The following SPINK5 variants were observed in gnomAD, a reference collection of about 807,000 sequenced individuals.
SPINK5 encodes the protein serine protease inhibitor Kazal-type 5.
Under a neutral mutation model 151.8 loss-of-function variants are expected in SPINK5, and 125 were observed. That is an observed-to-expected ratio of 0.82 (90% CI 0.71 to 0.96). The LOEUF is 0.96. Among genes scored for constraint, SPINK5 ranks in the 40% least tolerant of loss-of-function variants. The pLI, the probability that SPINK5 is intolerant of heterozygous loss-of-function variation, is 0.00. For synonymous variants in SPINK5, 374 were observed against 395.3 expected (o/e 0.95, Z 0.64); for missense variants, 1,194 against 1,291.9 (o/e 0.92, Z 1.16).
intron 32 of SPINK5, chr5:148,134,192 A>T: frequency 2.4e-6 from 1 of 414,306 alleles, no homozygotes; most frequent in East Asian, 5.4e-5. Flanking sequence ...GATCTATAAT[A>T]AAAAGATGAG....
chr5:148,095,759 G>A, intron 9 of SPINK5, 59 bp from the exon 10 acceptor site: 5 of 1,418,352 alleles, frequency 3.5e-6, no homozygotes, highest in Non-Finnish European at 5.0e-6. Context: ...TATACCTAAT[G>A]ACTGTTTTGT....
At chr5:148,091,380 T>A in intron 8 of SPINK5, 152 bp downstream of exon 8, 1 of 708,566 alleles carries the variant, frequency 1.4e-6, no homozygotes, top group Admixed American at 2.6e-5. Context: ...TGACTATTCC[T>A]AGAATATTAA....
intron 14 of SPINK5, 83 bp from the exon 15 acceptor site, chr5:148,101,697 GA>G: frequency 6.2e-7 from 1 of 1,600,550 alleles, no homozygotes; most frequent in Non-Finnish European, 8.6e-7. Context: ...CCTCGTTTAA[GA>G]AAAAAAGTAC....
intron 20 of SPINK5, 37 bp downstream of exon 20, chr5:148,112,971 T>A: frequency 6.2e-7 from 1 of 1,611,616 alleles, no homozygotes; most frequent in Non-Finnish European, 8.5e-7. Context: ...AATGAAAGGA[T>A]GAGATTTTGC....
At position 148,114,268 on chromosome 5, in the gene SPINK5, C is replaced by CTTTT. The variant is rs377089918; in HGVS notation, c.1888-93_1888-92insTTTT. 2.0e-3 allele frequency: 2,636 copies of CTTTT among 1,296,096 alleles called. 56 individuals are homozygous for CTTTT. In the African/African-American group the frequency reaches 0.036, roughly 18 times the overall value. 80.3% of individuals were successfully genotyped at this position (1,296,096 alleles called of 1,614,324 possible). A position where few individuals can be genotyped will look rare whatever the true frequency, so the allele number is the denominator to read the frequency against. On this transcript the variant is annotated intron_variant, in intron 20 of 32. Coordinates refer to ENST00000256084, the MANE Select transcript of SPINK5 (RefSeq NM_006846.4). ...AAAAAATTCTCAGGTCATTTTCTCT[C>CTTTT]TCTTTTTTTTTTTTCTATAAAGCAC... is the stretch of plus-strand genomic sequence containing the variant.
chr5:148,086,594 C>A, intron 5 of SPINK5, 62 bp downstream of exon 5: 4 of 1,588,442 alleles, frequency 2.5e-6, no homozygotes, highest in Non-Finnish European at 3.4e-6. Flanking sequence ...TTACATGACA[C>A]AATTTTCCCT....
intron 15 of SPINK5, among the ~76,000 whole-genome samples, 196 bp downstream of exon 15, chr5:148,102,104 G>C (rs1215245132): frequency 6.6e-6 from 1 of 152,138 alleles, no homozygotes; most frequent in African/African-American, 2.4e-5. Context: ...GATATAAAGA[G>C]ATGCAGAATA....
intron 16 of SPINK5, 21 bp downstream of exon 16, chr5:148,105,021 G>A: frequency 6.2e-7 from 1 of 1,612,090 alleles, no homozygotes; most frequent in South Asian, 1.1e-5. Flanking sequence ...CAGGAATGCT[G>A]ATGCTGTGCC....
chr5:148,112,233 T>A (rs1753954309), intron 19 of SPINK5, among the ~76,000 whole-genome samples: 1 of 152,240 alleles, frequency 6.6e-6, no homozygotes, highest in African/African-American at 2.4e-5. Context: ...TAGGTGCTAA[T>A]AAATTGAAAA....
intron 4 of SPINK5, among the ~76,000 whole-genome samples, chr5:148,072,764 G>T (rs1311953275): frequency 6.6e-6 from 1 of 151,270 alleles, no homozygotes; most frequent in Admixed American, 6.6e-5. Flanking sequence ...ATATGTTCCA[G>T]TACCTGGAGG....
At chr5:148,089,704 C>G in intron 7 of SPINK5, 83 bp downstream of exon 7, 2 of 1,595,950 alleles carry the variant, frequency 1.3e-6, no homozygotes, top group Non-Finnish European at 1.7e-6. Context: ...GAGATAAAAT[C>G]CTTTTCATGA....
chr5:148,096,726 TTTTC>T (rs1753473199), intron 10 of SPINK5, among the ~76,000 whole-genome samples: 1 of 146,938 alleles, frequency 6.8e-6, no homozygotes, highest in African/African-American at 2.6e-5. Context: ...TTCTTTCTTT[TTTTC>T]TTTTTCTTTT....
chr5:148,110,828 C>A (rs1309855190), intron 18 of SPINK5, among the ~76,000 whole-genome samples: 3 of 151,382 alleles, frequency 2.0e-5, no homozygotes, highest in African/African-American at 4.9e-5. Context: ...ATATTATTAG[C>A]CCCCTCATGC....
Position 148,122,691 on chromosome 5 carries a change from A to C in SPINK5, c.2539-1142A>C, listed in dbSNP as rs532011259. ...TGTAAAAGCAAATAAGTAAAAAGGT[A>C]TAACCTGGTGGTTAGCAGGTTTCTG... On this transcript the variant is annotated intron_variant, in intron 26 of 32. Coordinates refer to ENST00000256084, the MANE Select transcript of SPINK5 (RefSeq NM_006846.4). Among the ~76,000 whole-genome samples, 226 of 152,314 alleles carry C rather than the reference A, an allele frequency of 1.5e-3. 2 individuals are homozygous for C. The highest frequency in any genetic ancestry group is 5.3e-3 in the African/African-American group (220 of 41,564).
At chr5:148,093,844 A>G (rs1753381162) in intron 8 of SPINK5, among the ~76,000 whole-genome samples, 2 of 151,928 alleles carry the variant, frequency 1.3e-5, no homozygotes, top group Non-Finnish European at 2.9e-5. Flanking sequence ...CCTACCACAT[A>G]ACAGATACAA....
rs1256869548 is a variant in SPINK5, at chr5:148,087,310, G to A, written c.410+778G>A. 4.6e-5 allele frequency among the ~76,000 whole-genome samples: 7 copies of A among 151,800 alleles called. No individual in the cohort carries two copies. The East Asian group carries it at 7.8e-4, about 17-fold the overall frequency. On this transcript the variant is annotated intron_variant, in intron 5 of 32. Coordinates refer to ENST00000256084, the MANE Select transcript of SPINK5 (RefSeq NM_006846.4). The stretch of plus-strand genomic sequence containing the variant: ...ACAAGATGACATACCTGCTTGGCGG[G>A]TTCTGGCTTGTGATCTCAATCTTGA...
intron 29 of SPINK5, among the ~76,000 whole-genome samples, 200 bp from the exon 30 acceptor site, chr5:148,126,781 GGA>G (rs1409296338): frequency 3.9e-5 from 6 of 151,982 alleles, no homozygotes; most frequent in African/African-American, 1.4e-4. Context: ...TAGTAGAGAT[GGA>G]GTTTCACCAT....
At chr5:148,124,444 G>A (rs1372741349) in intron 27 of SPINK5, among the ~76,000 whole-genome samples, 2 of 152,200 alleles carry the variant, frequency 1.3e-5, no homozygotes, top group African/African-American at 2.4e-5. Context: ...GTAAAAATGA[G>A]AATTATAGCA....
chr5:148,073,124 A>T (rs1337470950), intron 4 of SPINK5, among the ~76,000 whole-genome samples: 1 of 151,942 alleles, frequency 6.6e-6, no homozygotes, highest in Non-Finnish European at 1.5e-5. Context: ...AGCTATTCTA[A>T]CCACTACTCA....
Sources: gnomAD v4.1 joint callset for allele counts (sites outside exome capture counted in the v4.1 genomes callset) on GRCh38, gnomAD v4.1.1 for gene constraint, MANE v1.5 for transcripts, NCBI Gene and HGNC (gene_info 2026-07-23, HGNC 2026-07-21) for gene names.